Variants in DNAI3 observed in about 807,000 individuals in gnomAD.
The protein encoded by DNAI3 is WD repeat domain 63.
A neutral mutation model predicts 115.5 loss-of-function variants in DNAI3; 83 were observed. The ratio of observed to expected loss-of-function variants is 0.72; its 90% CI spans 0.60 to 0.86. DNAI3 has a LOEUF of 0.86. DNAI3 is among the 40% of genes least tolerant of loss of function. The pLI, the probability that DNAI3 is intolerant of heterozygous loss-of-function variation, is 0.00. For synonymous variants in DNAI3, 320 were observed against 347.0 expected, an observed-to-expected ratio of 0.92 and a Z score of 0.86; for missense variants, 1,004 against 1,075.8, an observed-to-expected ratio of 0.93 and a Z score of 0.93.
At chr1:85,127,433 C>T (rs77325889) in intron 20 of DNAI3, among the ~76,000 whole-genome samples, 7,935 of 151,876 alleles carry the variant, frequency 0.052, 269 homozygotes, top group East Asian at 0.15. Context: ...TTTGCAGTGA[C>T]GTCTTGCTCT....
At position 85,094,412 on chromosome 1, in the gene DNAI3, C is replaced by T. The variant is rs200770155; in HGVS notation, c.1049-19C>T. 221 of 1,613,702 alleles carry T rather than the reference C, an allele frequency of 1.4e-4. No individual in the cohort carries two copies. The highest frequency in any genetic ancestry group is 1.8e-4 in the Non-Finnish European group (209 of 1,179,904). ...GTATAGTTGCTGCCAACTTTAATTT[C>T]TACATGTGTTTCCATCAGGGCTAAT... On this transcript the variant is annotated intron_variant, in intron 9 of 22. Coordinates refer to ENST00000294664, the MANE Select transcript of DNAI3 (RefSeq NM_145172.5).
chr1:85,123,113 G>T (rs1398733235), intron 18 of DNAI3, among the ~76,000 whole-genome samples: 1 of 152,148 alleles, frequency 6.6e-6, no homozygotes, highest in Non-Finnish European at 1.5e-5. Context: ...TCCTATTCAA[G>T]TTGTCTCCAA....
chr1:85,080,046 CTTTTTTT>C lies in DNAI3; in HGVS notation c.104-1171_104-1165del, dbSNP rs35938324. Among the ~76,000 whole-genome samples the C allele has an allele frequency of 4.2e-3, 285 of 68,404 alleles. 9 individuals carry two copies. The East Asian group carries it at 0.09, about 22-fold the overall frequency. 44.9% of individuals were successfully genotyped at this position (68,404 alleles called of 152,430 possible). On this transcript the variant is annotated intron_variant, in intron 3 of 22. Transcript: ENST00000294664. ...GAAAGTTTCTTTTCTTTTTCTTTTT[CTTTTTTT>C]TTTTTTTTTTTTTTTTGAGACAGAG...
At chr1:85,075,491 C>G (rs547352245) in intron 3 of DNAI3, among the ~76,000 whole-genome samples, 2 of 152,248 alleles carry the variant, frequency 1.3e-5, no homozygotes, top group African/African-American at 4.8e-5. Context: ...CCCTTCTCCT[C>G]AAGCCTCTTT....
chr1:85,101,507 G>A (rs111621738), intron 13 of DNAI3, among the ~76,000 whole-genome samples: 2 of 151,946 alleles, frequency 1.3e-5, no homozygotes, highest in African/African-American at 2.4e-5. Context: ...GGCAGATCAC[G>A]AGGTCAGGAG....
chr1:85,072,415 G>T (rs538526449), intron 2 of DNAI3, among the ~76,000 whole-genome samples: 1 of 151,984 alleles, frequency 6.6e-6, no homozygotes, highest in South Asian at 2.1e-4. Flanking sequence ...AGGCCGAGGC[G>T]GTTGGATCAC....
intron 19 of DNAI3, among the ~76,000 whole-genome samples, chr1:85,126,282 T>A: frequency 6.6e-6 from 1 of 152,204 alleles, no homozygotes; most frequent in East Asian, 1.9e-4. Flanking sequence ...TTAATTGGAA[T>A]GTTTAATATT....
intron 12 of DNAI3, among the ~76,000 whole-genome samples, 198 bp downstream of exon 12, chr1:85,097,853 A>G (rs1219525142): frequency 6.6e-6 from 1 of 152,220 alleles, no homozygotes; most frequent in Non-Finnish European, 1.5e-5. Flanking sequence ...TTAAAACACA[A>G]TGAATCAAGT....
Position 85,126,652 on chromosome 1 carries a change from C to G in DNAI3, c.2254C>G (p.Pro752Ala). ...IWDLLEKTHEPAQSQNICITM... is the reference protein window; with the variant it reads ...IWDLLEKTHEAAQSQNICITM... ...GGACCTTCTGGAGAAAACCCATGAA[C>G]CAGCCCAGTCTCAAAACATTTGCAT... Residue 752 changes from proline (P) to alanine (A), a missense_variant, in exon 20 of 23, where the codon CCA (proline) becomes GCA (alanine). By Grantham distance (27) the Pro-to-Ala change is conservative. Around this residue, in one of 3 missense-constraint regions of DNAI3, gnomAD observed 429 missense variants for 454.3 expected, o/e 0.94. Transcript: ENST00000294664. 1 of 1,614,096 alleles carries G rather than the reference C, an allele frequency of 6.2e-7. No homozygotes were observed. The highest frequency in any genetic ancestry group is 8.5e-7 in the Non-Finnish European group (1 of 1,180,016).
chr1:85,077,396 G>A (rs1654491700), intron 3 of DNAI3, among the ~76,000 whole-genome samples: 1 of 152,106 alleles, frequency 6.6e-6, no homozygotes, highest in Non-Finnish European at 1.5e-5. Context: ...CTTGGAGTTG[G>A]CAAAGATTTC....
chr1:85,075,771 C>A (rs935229732), intron 3 of DNAI3, among the ~76,000 whole-genome samples: 4 of 152,180 alleles, frequency 2.6e-5, no homozygotes, highest in South Asian at 2.1e-4. Context: ...TTCTGCCAGG[C>A]CCACTCTTCT....
chr1:85,099,218 G>A, intron 13 of DNAI3: 1 of 984,274 alleles, frequency 1.0e-6, no homozygotes, highest in Non-Finnish European at 1.2e-6. Flanking sequence ...TTGGAAACTG[G>A]CAAGTTCCCC....
At chr1:85,108,735 A>G (rs1655567080) in intron 15 of DNAI3, among the ~76,000 whole-genome samples, 1 of 152,182 alleles carries the variant, frequency 6.6e-6, no homozygotes, top group African/African-American at 2.4e-5. Flanking sequence ...TGAACATAGT[A>G]CCCAATAGGT....
At chr1:85,095,317 A>G (rs1655091908) in intron 10 of DNAI3, among the ~76,000 whole-genome samples, 1 of 152,162 alleles carries the variant, frequency 6.6e-6, no homozygotes, top group African/African-American at 2.4e-5. Context: ...GACTTTCCCT[A>G]AAAAACCCTA....
intron 4 of DNAI3, among the ~76,000 whole-genome samples, chr1:85,082,050 C>T (rs1654649382): frequency 6.6e-6 from 1 of 152,162 alleles, no homozygotes; most frequent in South Asian, 2.1e-4. Context: ...AGCACAATAC[C>T]AAACAAAAAC....
At chr1:85,095,515 C>T (rs539403282) in intron 10 of DNAI3, among the ~76,000 whole-genome samples, 1 of 152,142 alleles carries the variant, frequency 6.6e-6, no homozygotes, top group African/African-American at 2.4e-5. Flanking sequence ...TAGATCTCCT[C>T]TCCACTCCAG....
chr1:85,089,056 A>G (rs900654093), intron 7 of DNAI3, among the ~76,000 whole-genome samples: 7 of 152,204 alleles, frequency 4.6e-5, no homozygotes, highest in African/African-American at 1.7e-4. Context: ...TACCTCTCAC[A>G]GAGACATTCT....
At chr1:85,088,634 G>A (rs570387595) in intron 7 of DNAI3, among the ~76,000 whole-genome samples, 44 of 152,250 alleles carry the variant, frequency 2.9e-4, no homozygotes, top group Non-Finnish European at 5.7e-4. Context: ...CTCTGAGGTA[G>A]GCACTATCCC....
At chr1:85,097,350 T>C (rs144568153) in intron 11 of DNAI3, among the ~76,000 whole-genome samples, 22 of 152,312 alleles carry the variant, frequency 1.4e-4, no homozygotes, top group South Asian at 2.1e-4. Context: ...TTTATTAATG[T>C]AAGCACAAAA....
Sources: allele counts gnomAD v4.1 joint callset (sites outside exome capture counted in the v4.1 genomes callset), GRCh38; gene constraint gnomAD v4.1.1; regional missense constraint gnomAD v4.1.1; transcripts MANE v1.5; gene names NCBI Gene and HGNC (gene_info 2026-07-23, HGNC 2026-07-21).